Variants in GJA9 observed in about 807,000 individuals in gnomAD.
The protein encoded by GJA9 is gap junction alpha-9 protein.
Under a neutral mutation model 0.4 loss-of-function variants are expected in GJA9, and 1 was observed. The observed-to-expected ratio is 2.50, with a 90% CI of 0.89 to 11.88. The LOEUF is 11.88. Among genes scored for constraint, GJA9 ranks in the 30% most tolerant of loss-of-function variants. The pLI, the probability that GJA9 is intolerant of heterozygous loss-of-function variation, is 0.12. For missense variants in GJA9, 550 were observed against 602.8 expected (o/e 0.91, Z 0.92); for synonymous variants, 190 against 219.1 (o/e 0.87, Z 1.17).
rs757573764 is a variant in GJA9, at chr1:38,875,590, C to G, written c.509G>C (p.Gly170Ala). 9 of 1,614,052 alleles carry G rather than the reference C, an allele frequency of 5.6e-6. No individual in the cohort carries two copies. The highest frequency in any genetic ancestry group is 7.6e-6 in the Non-Finnish European group (9 of 1,180,042). ...HIFTRSVVEV[G>A]FMIGQYLLYG... ...TAAAAGGTACTGTCCAATCATGAAT[C>G]CAACTTCAACCACAGAGCGAGTGAA... The change falls in exon 2 of 2, where the codon GGA becomes GCA. Residue 170 changes from glycine to alanine, a missense_variant. Physicochemically the swap from Gly to Ala is moderately conservative, Grantham distance 60. Coordinates refer to ENST00000357771, the MANE Select transcript of GJA9 (RefSeq NM_030772.5).
Position 38,881,551 on chromosome 1 carries a change from A to G in GJA9, c.-215T>C, listed in dbSNP as rs1316687327. The stretch of plus-strand genomic sequence containing the variant: ...GTATAGAGCAGATTCAGTTCAGTTG[A>G]ATGTAGTGAGTGAGTCATCCATCAA... On this transcript the variant is annotated 5_prime_UTR_variant, in exon 1 of 2. Coordinates refer to ENST00000357771, the MANE Select transcript of GJA9 (RefSeq NM_030772.5). 1.4e-6 allele frequency: 1 copy of G among 689,684 alleles called. No homozygotes were observed. Among genetic ancestry groups the G allele is most frequent in the Non-Finnish European group, 2.6e-6 (1 of 378,926 alleles). The allele number at this position is 689,684 out of a possible 1,614,324, so 42.7% of individuals were successfully genotyped here.
chr1:38,875,031 T>C lies in GJA9; in HGVS notation c.1068A>G (p.Lys356=), dbSNP rs1642556943. ...TACCATTAAGTTCTTTTCCAAATAT[T>C]TTATGAGTGTCTTTGTTATTGTTTG... The part of the protein sequence containing the change: ...ISSNNNKDTH[K]IFGKELNGNQ... The change falls in exon 2 of 2, where the codon AAA becomes AAG. Residue 356 remains lysine (K), a synonymous_variant. Coordinates refer to ENST00000357771, the MANE Select transcript of GJA9 (RefSeq NM_030772.5). The C allele has an allele frequency of 8.1e-6, 13 of 1,614,022 alleles. No individual in the cohort carries two copies. Among genetic ancestry groups the C allele is most frequent in the African/African-American group, 4.0e-5 (3 of 74,908 alleles).
chr1:38,878,527 A>G (rs1642632594), intron 1 of GJA9, among the ~76,000 whole-genome samples: 1 of 150,440 alleles, frequency 6.6e-6, no homozygotes. Context: ...AATACAAAAA[A>G]TTAGCTGGGT....
At chr1:38,880,797 AG>A (rs1228452552) in intron 1 of GJA9, among the ~76,000 whole-genome samples, 1 of 152,188 alleles carries the variant, frequency 6.6e-6, no homozygotes, top group Non-Finnish European at 1.5e-5. Context: ...ATAAAAAAAA[AG>A]TAAGCAAGTT....
At position 38,875,498 on chromosome 1, in the gene GJA9, AAC is replaced by A. The variant is rs1364669189; in HGVS notation, c.599_600del (p.Cys200PhefsTer29). On this transcript the variant is annotated frameshift_variant, in exon 2 of 2. Transcript: ENST00000357771. LOFTEE classifies it low-confidence loss of function (END_TRUNC). ...HGHPCPNIID[C>X]FVSRPTEKTI... ...GTCTTTTCTGTTGGTCTTGAGACAA[AAC>A]AGTCGATTATATTTGGACACGGGTG... 3 of 1,614,072 alleles carry A rather than the reference AAC, an allele frequency of 1.9e-6. No homozygotes were observed. Among genetic ancestry groups the A allele is most frequent in the Non-Finnish European group, 2.5e-6 (3 of 1,180,026 alleles).
chr1:38,878,882 C>G (rs549931079), intron 1 of GJA9, among the ~76,000 whole-genome samples: 1 of 151,740 alleles, frequency 6.6e-6, no homozygotes, highest in African/African-American at 2.4e-5. Context: ...TACAGACATG[C>G]GCCACCATGC....
chr1:38,876,618 G>A (rs530502812), intron 1 of GJA9, among the ~76,000 whole-genome samples: 25 of 151,908 alleles, frequency 1.6e-4, no homozygotes, highest in Non-Finnish European at 3.2e-4. Context: ...TAAATGTCAG[G>A]AATTTAAAAT....
chr1:38,876,406 G>T, intron 1 of GJA9: 1 of 330,458 alleles, frequency 3.0e-6, no homozygotes, highest in East Asian at 6.5e-5. Context: ...CTCCTGAGTA[G>T]CTGGGACTGC....
At position 38,874,913 on chromosome 1, in the gene GJA9, C is replaced by T. The variant is rs1642553625; in HGVS notation, c.1186G>A (p.Asp396Asn). The change falls in exon 2 of 2, where the codon GAT (aspartate) becomes AAT (asparagine). Residue 396 changes from aspartate (D) to asparagine (N), a missense_variant. Transcript: ENST00000357771. Reference protein sequence around the residue: ...GHRSIPGVAIDGENNMRQSPQ... With the variant: ...GHRSIPGVAINGENNMRQSPQ... ...GACTGCCTCATGTTGTTCTCTCCAT[C>T]TATAGCAACACCTGGAATAGAACGG... The T allele has an allele frequency of 6.2e-7, 1 of 1,614,222 alleles. No homozygotes were observed. The highest frequency in any genetic ancestry group is 1.3e-5 in the African/African-American group (1 of 75,058).
At position 38,875,461 on chromosome 1, in the gene GJA9, A is replaced by T; in HGVS notation, c.638T>A (p.Leu213Ter). The T allele has an allele frequency of 1.9e-6, 3 of 1,614,158 alleles. No homozygotes were observed. Among genetic ancestry groups the T allele is most frequent in the Non-Finnish European group, 2.5e-6 (3 of 1,179,982 alleles). Residue 213 changes from leucine to a stop codon, truncating the protein, a stop_gained, in exon 2 of 2, where the codon TTA becomes TAA. Coordinates refer to ENST00000357771, the MANE Select transcript of GJA9 (RefSeq NM_030772.5). LOFTEE classifies it low-confidence loss of function (END_TRUNC). ...SRPTEKTIFL[L>*]FMQSIATISL... ...AATAGTGGCTATAGATTGCATAAAT[A>T]ATAGGAATATTGTCTTTTCTGTTGG...
At chr1:38,881,333 G>GT (rs1468491354) in intron 1 of GJA9, 99 bp downstream of exon 1, 1 of 577,388 alleles carries the variant, frequency 1.7e-6, no homozygotes, top group Non-Finnish European at 3.1e-6. Flanking sequence ...ATAAAAACTG[G>GT]TATACATATA....
chr1:38,878,305 C>G (rs1318649909), intron 1 of GJA9, among the ~76,000 whole-genome samples: 3 of 151,660 alleles, frequency 2.0e-5, no homozygotes, highest in Non-Finnish European at 4.4e-5. Context: ...TCTTGAACTC[C>G]TGAACCTTGA....
In GJA9 at chr1:38,880,979, C is replaced by A. The variant is rs553224104; in HGVS notation, c.-96+453G>T. 3.0e-3 allele frequency among the ~76,000 whole-genome samples: 458 copies of A among 152,120 alleles called. 5 individuals carry two copies. Among genetic ancestry groups the A allele is most frequent in the African/African-American group, 0.011 (440 of 41,504 alleles). On this transcript the variant is annotated intron_variant, in intron 1 of 1. Coordinates refer to ENST00000357771, the MANE Select transcript of GJA9 (RefSeq NM_030772.5). The stretch of plus-strand genomic sequence containing the variant: ...GCAACCAGTAGAAATGATAAACATA[C>A]ATAAAATGGCATTTGATATTTCATT...
chr1:38,875,867 A>G lies in GJA9; in HGVS notation c.232T>C (p.Trp78Arg). ...QAFPISLIRY[W>R]VLQVIFVSSP... Reference sequence around the variant, plus strand: ...GACACAAATATCACCTGCAGAACCCAGTATCTAATGAGGGAGATAGGAAAG... The same window carrying G: ...GACACAAATATCACCTGCAGAACCCGGTATCTAATGAGGGAGATAGGAAAG... The change falls in exon 2 of 2, where the codon TGG becomes CGG. Residue 78 changes from tryptophan to arginine, a missense_variant. Physicochemically the swap from Trp to Arg is moderately radical, Grantham distance 101 (BLOSUM62 -3). Transcript: ENST00000357771. 3.7e-6 allele frequency: 6 copies of G among 1,614,220 alleles called. No individual in the cohort carries two copies. The highest frequency in any genetic ancestry group is 5.1e-6 in the Non-Finnish European group (6 of 1,180,050).
In GJA9 at chr1:38,874,350, T is replaced by C. The variant is rs924788115; in HGVS notation, c.*201A>G. ...CATTTAAAAAAAAAAAAATCCTGAT[T>C]TGACAACTCTATGTCTTTGAATTTA... is the stretch of plus-strand genomic sequence containing the variant. On this transcript the variant is annotated 3_prime_UTR_variant, in exon 2 of 2. Coordinates refer to ENST00000357771, the MANE Select transcript of GJA9 (RefSeq NM_030772.5). 8 of 519,380 alleles carry C rather than the reference T, an allele frequency of 1.5e-5. No homozygotes were observed. In the East Asian group the frequency reaches 2.5e-4, roughly 16 times the overall value. 32.2% of individuals were successfully genotyped at this position (519,380 alleles called of 1,614,324 possible).
rs1557600338 is a variant in GJA9, at chr1:38,876,048, G to A, written c.51C>T (p.His17=). ...LGDTLEEVHI[H]STMIGKIWLT... Reference sequence around the variant, plus strand: ...GCCAGATCTTTCCAATCATGGTGGAGTGGATGTGAACTTCCTCCAGAGTAT... The same window carrying A: ...GCCAGATCTTTCCAATCATGGTGGAATGGATGTGAACTTCCTCCAGAGTAT... The change falls in exon 2 of 2, where the codon CAC becomes CAT. Residue 17 remains histidine (H), a synonymous_variant. Coordinates refer to ENST00000357771, the MANE Select transcript of GJA9 (RefSeq NM_030772.5). 1 of 1,614,188 alleles carries A rather than the reference G, an allele frequency of 6.2e-7. No individual in the cohort carries two copies. Among genetic ancestry groups the A allele is most frequent in the Non-Finnish European group, 8.5e-7 (1 of 1,180,020 alleles).
In GJA9 at chr1:38,875,831, G is replaced by C; in HGVS notation, c.268C>G (p.Leu90Val). Reference sequence around the variant, plus strand: ...TACAATGCATGGCCCATGTAGACCAGGGATGGTGAAGACACAAATATCACC... The same window carrying C: ...TACAATGCATGGCCCATGTAGACCACGGATGGTGAAGACACAAATATCACC... Reference protein sequence around the residue: ...LQVIFVSSPSLVYMGHALYRL... With the variant: ...LQVIFVSSPSVVYMGHALYRL... The change falls in exon 2 of 2, where the codon CTG (leucine) becomes GTG (valine). Residue 90 changes from leucine to valine, a missense_variant. Leu to Val is a conservative substitution (Grantham distance 32). Coordinates refer to ENST00000357771, the MANE Select transcript of GJA9 (RefSeq NM_030772.5). The C allele has an allele frequency of 6.2e-7, 1 of 1,614,222 alleles. No homozygotes were observed. The highest frequency in any genetic ancestry group is 8.5e-7 in the Non-Finnish European group (1 of 1,180,050).
At chr1:38,877,602 T>C (rs1183584892) in intron 1 of GJA9, among the ~76,000 whole-genome samples, 1 of 152,046 alleles carries the variant, frequency 6.6e-6, no homozygotes, top group Non-Finnish European at 1.5e-5. Context: ...GTTCAAGCGA[T>C]TCCCCTGCCT....
Position 38,874,450 on chromosome 1 carries a change from C to G in GJA9, c.*101G>C. 1.2e-6 allele frequency: 1 copy of G among 846,574 alleles called. No homozygotes were observed. The highest frequency in any genetic ancestry group is 1.7e-5 in the African/African-American group (1 of 59,084). 52.4% of individuals were successfully genotyped at this position (846,574 alleles called of 1,614,324 possible). ...ATGAGTTTGCAGTTGTCTGTCTTAACAGCTGGTCTTTAGAGCTGCCCCTAT... is the reference window on the plus strand; with the variant it reads ...ATGAGTTTGCAGTTGTCTGTCTTAAGAGCTGGTCTTTAGAGCTGCCCCTAT... On this transcript the variant is annotated 3_prime_UTR_variant, in exon 2 of 2. Transcript: ENST00000357771.
Sources: allele counts gnomAD v4.1 joint callset (sites outside exome capture counted in the v4.1 genomes callset), GRCh38; gene constraint gnomAD v4.1.1; transcripts MANE v1.5; gene names NCBI Gene and HGNC (gene_info 2026-07-23, HGNC 2026-07-21).